The following ASAP2 variants were observed in gnomAD, a reference collection of about 807,000 sequenced individuals.
ASAP2 encodes arf-GAP with SH3 domain, ANK repeat and PH domain-containing protein 2.
Under a neutral mutation model 131.4 loss-of-function variants are expected in ASAP2, and 45 were observed. The observed-to-expected ratio is 0.34, with a 90% CI of 0.27 to 0.44. The LOEUF (loss-of-function observed/expected upper bound fraction) is 0.44, where lower values mean the gene tolerates loss of function less well. ASAP2 is among the 20% of genes least tolerant of loss of function. The probability of loss-of-function intolerance (pLI) is 1.00; values close to 1 mark genes in which losing one functional copy is unlikely to be tolerated. For missense variants in ASAP2, 1,011 were observed against 1,297.0 expected (o/e 0.78, Z 3.39); for synonymous variants, 510 against 503.0 (o/e 1.01, Z -0.19).
intron 24 of ASAP2, chr2:9,399,683 T>C: frequency 2.8e-6 from 1 of 351,492 alleles, no homozygotes; most frequent in Non-Finnish European, 5.3e-6. Context: ...TGCCCTTTCA[T>C]GTGATGGGAC....
chr2:9,282,082 G>A (rs1231729042), intron 2 of ASAP2, among the ~76,000 whole-genome samples: 1 of 152,206 alleles, frequency 6.6e-6, no homozygotes, highest in Admixed American at 6.5e-5. Flanking sequence ...AAGTTGAGAA[G>A]TTTGTTCAAA....
chr2:9,361,974 CGTGTGTGTGTGTGT>C (rs70948815), intron 15 of ASAP2, among the ~76,000 whole-genome samples: 32 of 143,280 alleles, frequency 2.2e-4, no homozygotes, highest in South Asian at 2.0e-3. Flanking sequence ...TCTTTCTCTG[CGTGTGTGTGTGTGT>C]GTGTGTGTGT....
intron 7 of ASAP2, among the ~76,000 whole-genome samples, chr2:9,330,754 AT>A (rs1183534370): frequency 1.3e-5 from 2 of 152,192 alleles, no homozygotes; most frequent in Non-Finnish European, 2.9e-5. Context: ...AGAAGAAGCT[AT>A]TCTGGGATTT....
intron 20 of ASAP2, among the ~76,000 whole-genome samples, chr2:9,381,165 A>G (rs1674808473): frequency 6.6e-6 from 1 of 152,208 alleles, no homozygotes; most frequent in South Asian, 2.1e-4. Context: ...CAGGACATCA[A>G]GGCCAACCTC....
intron 24 of ASAP2, among the ~76,000 whole-genome samples, chr2:9,395,108 C>A (rs1256627123): frequency 6.6e-6 from 1 of 152,190 alleles, no homozygotes; most frequent in East Asian, 1.9e-4. Context: ...TGCTCAGTTA[C>A]AAGCTCAGAC....
intron 14 of ASAP2, among the ~76,000 whole-genome samples, chr2:9,358,001 A>G (rs1461367516): frequency 6.6e-6 from 1 of 152,152 alleles, no homozygotes; most frequent in Non-Finnish European, 1.5e-5. Context: ...GTGGGTCCCT[A>G]TCATCTGCTA....
At chr2:9,221,741 TC>T (rs1444893696) in intron 1 of ASAP2, among the ~76,000 whole-genome samples, 1 of 152,246 alleles carries the variant, frequency 6.6e-6, no homozygotes, top group African/African-American at 2.4e-5. Flanking sequence ...CAAAATATCA[TC>T]TGCAAATAGA....
In ASAP2 at chr2:9,232,100, T is replaced by A. The variant is rs879374605; in HGVS notation, c.126+24870T>A. Among the ~76,000 whole-genome samples the A allele has an allele frequency of 2.0e-5, 3 of 152,250 alleles. No homozygotes were observed. The highest frequency in any genetic ancestry group is 4.4e-5 in the Non-Finnish European group (3 of 68,026). ...GGTCATGGTGATTGTCTTAAAGATT[T>A]GCTCTTTAGCTTCTCAGCTGAAGAC... is the stretch of plus-strand genomic sequence containing the variant. On this transcript the variant is annotated intron_variant, in intron 1 of 27. Transcript: ENST00000281419. The surrounding 1 kb of genome is among the most constrained non-coding windows in gnomAD (Gnocchi z 4.1).
At chr2:9,386,046 C>T (rs919751128) in intron 21 of ASAP2, among the ~76,000 whole-genome samples, 2 of 152,238 alleles carry the variant, frequency 1.3e-5, no homozygotes, top group African/African-American at 4.8e-5. Flanking sequence ...GACCCACTTC[C>T]ATCTGTCCTT....
chr2:9,349,621 C>T (rs1373643202), intron 11 of ASAP2, among the ~76,000 whole-genome samples: 1 of 152,174 alleles, frequency 6.6e-6, no homozygotes, highest in Non-Finnish European at 1.5e-5. Flanking sequence ...ATCTGACTAA[C>T]CTGTAGAGGA....
rs1269568598 is a variant in ASAP2, at chr2:9,318,465, C to G, written c.346-59C>G. ...ATGTTCTCTCTAATGTCCTTGCTGT[C>G]CTTACTTTAGATTCACAAGGAAGCT... is the stretch of plus-strand genomic sequence containing the variant. On this transcript the variant is annotated intron_variant, in intron 3 of 27. Coordinates refer to ENST00000281419, the MANE Select transcript of ASAP2 (RefSeq NM_003887.3). 12 of 1,288,954 alleles carry G rather than the reference C, an allele frequency of 9.3e-6. No homozygotes were observed. The African/African-American group carries it at 1.5e-4, about 16-fold the overall frequency. 79.8% of individuals were successfully genotyped at this position (1,288,954 alleles called of 1,614,324 possible).
chr2:9,252,433 TTAG>T (rs1207806464), intron 1 of ASAP2, among the ~76,000 whole-genome samples: 1 of 151,656 alleles, frequency 6.6e-6, no homozygotes, highest in Non-Finnish European at 1.5e-5. Context: ...ATACAGAAAA[TTAG>T]CTGGGCATGG....
At chr2:9,345,163 GCT>G (rs1009216491) in intron 11 of ASAP2, among the ~76,000 whole-genome samples, 10 of 151,994 alleles carry the variant, frequency 6.6e-5, no homozygotes, top group Non-Finnish European at 1.3e-4. Context: ...TGCTCCCCCA[GCT>G]CTCTTTGTCT....
chr2:9,282,974 C>T (rs1196562355), intron 2 of ASAP2, among the ~76,000 whole-genome samples: 1 of 152,246 alleles, frequency 6.6e-6, no homozygotes, highest in East Asian at 1.9e-4. Flanking sequence ...ATCCCAGTCA[C>T]CTGCAGGGGA....
intron 1 of ASAP2, among the ~76,000 whole-genome samples, chr2:9,239,684 G>GT (rs1023235897): frequency 6.6e-6 from 1 of 152,002 alleles, no homozygotes; most frequent in Non-Finnish European, 1.5e-5. Context: ...CAAAACCATT[G>GT]TTTTTTGTTG....
At position 9,287,211 on chromosome 2, in the gene ASAP2, G is replaced by C. The variant is rs188832254; in HGVS notation, c.199+7822G>C. On this transcript the variant is annotated intron_variant, in intron 2 of 27. Coordinates refer to ENST00000281419, the MANE Select transcript of ASAP2 (RefSeq NM_003887.3). ...CACGGTGGAGAAAACAAGCAGCAAC[G>C]TGGGGAACACCCTACGTGCCACCTG... 4.7e-4 allele frequency among the ~76,000 whole-genome samples: 71 copies of C among 152,344 alleles called. No individual in the cohort carries two copies. The East Asian group carries it at 0.011, about 24-fold the overall frequency.
At chr2:9,306,519 G>A (rs891304407) in intron 3 of ASAP2, among the ~76,000 whole-genome samples, 1 of 151,822 alleles carries the variant, frequency 6.6e-6, no homozygotes, top group African/African-American at 2.4e-5. Flanking sequence ...GGTGGGAAGG[G>A]TTCCTAGGGT....
chr2:9,241,465 G>C (rs1196661234), intron 1 of ASAP2, among the ~76,000 whole-genome samples: 1 of 152,172 alleles, frequency 6.6e-6, no homozygotes, highest in African/African-American at 2.4e-5. Flanking sequence ...CTGGCTGGGT[G>C]TGGTGGCTCA....
intron 1 of ASAP2, among the ~76,000 whole-genome samples, chr2:9,252,445 G>T (rs1356494266): frequency 1.3e-5 from 2 of 152,110 alleles, no homozygotes; most frequent in Non-Finnish European, 2.9e-5. Context: ...AGCTGGGCAT[G>T]GTGGCACACG....
Sources: gnomAD v4.1 joint callset for allele counts (sites outside exome capture counted in the v4.1 genomes callset) on GRCh38, gnomAD v4.1.1 for gene constraint, Gnocchi (gnomAD v3.1) non-coding constraint, MANE v1.5 for transcripts, NCBI Gene and HGNC (gene_info 2026-07-23, HGNC 2026-07-21) for gene names.